The following RORA variants were observed in gnomAD, a reference collection of about 807,000 sequenced individuals.
RORA encodes the protein RAR related orphan receptor A.
RORA carries 7 observed loss-of-function variants against 69.5 expected under a neutral mutation model. That is an observed-to-expected ratio of 0.10 (90% CI 0.06 to 0.19). The LOEUF is 0.19. Ranked by LOEUF, RORA falls within the 10% of genes least tolerant of loss-of-function variation. The pLI is 1.00. For synonymous variants in RORA, 261 were observed against 240.8 expected (o/e 1.08, Z -0.78); for missense variants, 457 against 663.0 (o/e 0.69, Z 3.41).
intron 1 of RORA, among the ~76,000 whole-genome samples, chr15:61,184,697 C>T (rs143198737): frequency 1.6e-4 from 25 of 152,112 alleles, no homozygotes; most frequent in Admixed American, 1.3e-4. Flanking sequence ...TGTTAGGAGA[C>T]TGTTAGGCTG....
chr15:61,103,801 C>A (rs1183925014), intron 1 of RORA, among the ~76,000 whole-genome samples: 2 of 151,980 alleles, frequency 1.3e-5, no homozygotes, highest in Non-Finnish European at 2.9e-5. Flanking sequence ...CCATCCCCCA[C>A]CCCGTCCATT....
At chr15:60,891,343 A>G (rs2073811048) in intron 1 of RORA, among the ~76,000 whole-genome samples, 1 of 152,142 alleles carries the variant, frequency 6.6e-6, no homozygotes, top group East Asian at 1.9e-4. Context: ...GAGAGGGTGA[A>G]AGGACAGTGA....
At chr15:60,971,103 T>C (rs1893700151) in intron 1 of RORA, among the ~76,000 whole-genome samples, 2 of 152,132 alleles carry the variant, frequency 1.3e-5, no homozygotes, top group South Asian at 4.1e-4. Flanking sequence ...TTTGAGAAGA[T>C]AAAATATGAA....
chr15:60,951,465 C>T lies in RORA; in HGVS notation c.167-272779G>A, dbSNP rs369026554. ...AGAGCAGAACTGAAGGAAACAGAGA[C>T]ACAAAAAACCCTTCAAAAAATTAAG... On this transcript the variant is annotated intron_variant, in intron 1 of 10. Transcript: ENST00000335670. 3.3e-5 allele frequency among the ~76,000 whole-genome samples: 5 copies of T among 151,090 alleles called. No homozygotes were observed. In the South Asian group the frequency reaches 6.4e-4, roughly 19 times the overall value.
At chr15:60,969,675 T>C (rs777886251) in intron 1 of RORA, among the ~76,000 whole-genome samples, 3 of 152,160 alleles carry the variant, frequency 2.0e-5, no homozygotes, top group Non-Finnish European at 2.9e-5. Context: ...CCTATCCCTC[T>C]CTACACACCA....
intron 2 of RORA, among the ~76,000 whole-genome samples, chr15:60,634,399 C>CTTT (rs10604472): frequency 1.1e-4 from 15 of 142,618 alleles, no homozygotes; most frequent in Non-Finnish European, 1.2e-4. Context: ...AGTGCTACCA[C>CTTT]TTTTTTTTTT....
chr15:60,779,150 A>C (rs2072217517), intron 1 of RORA, among the ~76,000 whole-genome samples: 1 of 152,208 alleles, frequency 6.6e-6, no homozygotes, highest in Non-Finnish European at 1.5e-5. Flanking sequence ...AGGCACAAGC[A>C]ATTTGGATTG....
intron 1 of RORA, among the ~76,000 whole-genome samples, chr15:60,718,435 G>A (rs2071248081): frequency 6.6e-6 from 1 of 152,118 alleles, no homozygotes; most frequent in African/African-American, 2.4e-5. Flanking sequence ...TTAAAAATGA[G>A]TCCGGTAAAT....
intron 1 of RORA, among the ~76,000 whole-genome samples, chr15:60,784,830 T>A (rs951942764): frequency 7.9e-5 from 12 of 152,174 alleles, no homozygotes; most frequent in African/African-American, 2.9e-4. Flanking sequence ...TTCACCAGTA[T>A]CCTAGCTGTG....
chr15:61,203,567 A>C (rs1031950068), intron 1 of RORA, among the ~76,000 whole-genome samples: 1 of 152,204 alleles, frequency 6.6e-6, no homozygotes, highest in Non-Finnish European at 1.5e-5. Context: ...AAAAGATATA[A>C]AAGAAGTGAA....
chr15:60,944,818 C>A (rs943234130), intron 1 of RORA, among the ~76,000 whole-genome samples: 1 of 151,712 alleles, frequency 6.6e-6, no homozygotes, highest in African/African-American at 2.4e-5. Context: ...ATGTCAGCAA[C>A]AAGAGTGACA....
chr15:61,013,340 G>C (rs1371181334), intron 1 of RORA, among the ~76,000 whole-genome samples: 1 of 152,174 alleles, frequency 6.6e-6, no homozygotes, highest in Non-Finnish European at 1.5e-5. Context: ...TTGTGACAGA[G>C]ACCGCATGGC....
At chr15:61,002,585 A>G (rs16943479) in intron 1 of RORA, among the ~76,000 whole-genome samples, 5,947 of 152,322 alleles carry the variant, frequency 0.039, 402 homozygotes, top group African/African-American at 0.13. Context: ...TAGCGTCTCC[A>G]AATGCAGCCT....
At chr15:61,068,585 G>A (rs531475633) in intron 1 of RORA, among the ~76,000 whole-genome samples, 3 of 152,316 alleles carry the variant, frequency 2.0e-5, no homozygotes, top group African/African-American at 7.2e-5. Flanking sequence ...GCATCTAAAT[G>A]TATACAAGCA....
chr15:61,092,018 C>T (rs1285487939), intron 1 of RORA, among the ~76,000 whole-genome samples: 1 of 152,098 alleles, frequency 6.6e-6, no homozygotes, highest in Non-Finnish European at 1.5e-5. Context: ...ATTGAACAAA[C>T]CAAGATATAA....
chr15:61,088,397 C>A (rs559459601), intron 1 of RORA, among the ~76,000 whole-genome samples: 1 of 152,250 alleles, frequency 6.6e-6, no homozygotes, highest in East Asian at 1.9e-4. Context: ...CTGCACAAAG[C>A]CACAGCTGCA....
intron 3 of RORA, among the ~76,000 whole-genome samples, chr15:60,523,534 C>G (rs2066247786): frequency 6.6e-6 from 1 of 152,198 alleles, no homozygotes; most frequent in African/African-American, 2.4e-5. Context: ...TCACAGCTTA[C>G]CAGCATGTGG....
At chr15:61,093,475 C>A (rs9806763) in intron 1 of RORA, among the ~76,000 whole-genome samples, 55,655 of 151,786 alleles carry the variant, frequency 0.37, 10,471 homozygotes, top group African/African-American at 0.43. Context: ...TACAGACCAA[C>A]AATGCTGCGG....
intron 1 of RORA, among the ~76,000 whole-genome samples, chr15:60,935,002 A>G (rs1892479328): frequency 6.6e-6 from 1 of 152,254 alleles, no homozygotes; most frequent in African/African-American, 2.4e-5. Flanking sequence ...TTATAAGCTC[A>G]TTTAATCCAC....
Sources: gnomAD v4.1 joint callset for allele counts (sites outside exome capture counted in the v4.1 genomes callset) on GRCh38, gnomAD v4.1.1 for gene constraint, MANE v1.5 for transcripts, NCBI Gene and HGNC (gene_info 2026-07-23, HGNC 2026-07-21) for gene names.